The following DLG2 variants were observed in gnomAD, a reference collection of about 807,000 sequenced individuals.
The protein encoded by DLG2 is discs large MAGUK scaffold protein 2, also known as disks large homolog 2.
In DLG2, 45 loss-of-function variants were observed where a neutral mutation model predicts 132.5. The observed-to-expected ratio is 0.34, with a 90% CI of 0.27 to 0.44. The LOEUF (loss-of-function observed/expected upper bound fraction) is 0.44. DLG2 is among the 20% of genes least tolerant of loss of function. DLG2 has a pLI of 1.00. For missense variants in DLG2, 1,045 were observed against 1,196.9 expected (o/e 0.87, Z 1.87); for synonymous variants, 424 against 419.6 (o/e 1.01, Z -0.13).
chr11:84,843,880 T>C (rs1347812551), intron 6 of DLG2, among the ~76,000 whole-genome samples: 1 of 151,466 alleles, frequency 6.6e-6, no homozygotes, highest in Non-Finnish European at 1.5e-5. Context: ...GTGTATATAC[T>C]TATTTCTTTA....
At chr11:84,626,047 T>A (rs1031680355) in intron 6 of DLG2, among the ~76,000 whole-genome samples, 5 of 152,232 alleles carry the variant, frequency 3.3e-5, no homozygotes, top group Non-Finnish European at 7.3e-5. Flanking sequence ...TAACTGCTAT[T>A]GCTTATTGAG....
chr11:84,670,254 C>T (rs1595384891), intron 6 of DLG2, among the ~76,000 whole-genome samples: 2 of 152,122 alleles, frequency 1.3e-5, no homozygotes, highest in African/African-American at 4.8e-5. Context: ...TCCATATTCT[C>T]AGAGAGGTTT....
intron 6 of DLG2, among the ~76,000 whole-genome samples, chr11:84,786,333 T>C (rs766590907): frequency 1.3e-5 from 2 of 152,142 alleles, no homozygotes; most frequent in Non-Finnish European, 2.9e-5. Context: ...CCTGACCATA[T>C]GGAAAATAAT....
intron 6 of DLG2, among the ~76,000 whole-genome samples, chr11:84,577,390 C>T (rs2099503620): frequency 6.6e-6 from 1 of 152,102 alleles, no homozygotes; most frequent in Non-Finnish European, 1.5e-5. Context: ...TTTGGAACTT[C>T]CTGGAGACTT....
At chr11:83,670,670 C>G (rs1159902103) in intron 18 of DLG2, among the ~76,000 whole-genome samples, 1 of 151,932 alleles carries the variant, frequency 6.6e-6, no homozygotes, top group Non-Finnish European at 1.5e-5. Flanking sequence ...AACAGGTTCT[C>G]TTGGGAACAT....
chr11:84,385,669 C>T (rs1281006757), intron 7 of DLG2, among the ~76,000 whole-genome samples: 1 of 152,068 alleles, frequency 6.6e-6, no homozygotes, highest in East Asian at 1.9e-4. Flanking sequence ...GTGCCTAGCT[C>T]ATAATAGACA....
At chr11:85,004,993 C>A (rs1424427472) in intron 6 of DLG2, among the ~76,000 whole-genome samples, 1 of 152,142 alleles carries the variant, frequency 6.6e-6, no homozygotes. Flanking sequence ...ATCCTTTCCC[C>A]ATTGCTTGTT....
intron 18 of DLG2, among the ~76,000 whole-genome samples, chr11:83,759,671 C>T (rs1468786701): frequency 6.6e-6 from 1 of 152,136 alleles, no homozygotes; most frequent in Non-Finnish European, 1.5e-5. Context: ...CCTGTTGACA[C>T]AAAATCACAG....
intron 21 of DLG2, among the ~76,000 whole-genome samples, chr11:83,486,901 T>G (rs917452947): frequency 6.6e-6 from 1 of 152,130 alleles, no homozygotes; most frequent in African/African-American, 2.4e-5. Flanking sequence ...CTATATGTGG[T>G]TTATAATGCT....
At chr11:83,557,626 T>G (rs79379951) in intron 19 of DLG2, among the ~76,000 whole-genome samples, 4,209 of 152,276 alleles carry the variant, frequency 0.028, 189 homozygotes, top group African/African-American at 0.096. Context: ...CAAACAGGCT[T>G]ATGTTGCTTG....
intron 24 of DLG2, 46 bp from the exon 25 acceptor site, chr11:83,469,419 T>C (rs781001934): frequency 1.3e-6 from 2 of 1,495,994 alleles, no homozygotes; most frequent in South Asian, 1.2e-5. Flanking sequence ...TTTATACCCA[T>C]AAACTTGCTT....
At chr11:85,096,576 G>T (rs1238424575) in intron 6 of DLG2, among the ~76,000 whole-genome samples, 2 of 151,924 alleles carry the variant, frequency 1.3e-5, no homozygotes, top group Non-Finnish European at 2.9e-5. Flanking sequence ...CACCGCAAAG[G>T]TCTGTGGCTT....
chr11:83,764,337 T>C (rs368632956), intron 18 of DLG2, among the ~76,000 whole-genome samples: 36 of 152,202 alleles, frequency 2.4e-4, no homozygotes, highest in Admixed American at 1.9e-3. Flanking sequence ...TGATGTATCA[T>C]AGACATTCAA....
chr11:83,961,188 T>C (rs780127914), intron 14 of DLG2, among the ~76,000 whole-genome samples: 19 of 152,022 alleles, frequency 1.2e-4, no homozygotes, highest in Non-Finnish European at 2.5e-4. Context: ...CCTATTGAGA[T>C]AGACTCACTT....
At chr11:85,377,784 C>CATATATATATATATAT (rs35941912) in intron 3 of DLG2, among the ~76,000 whole-genome samples, 4 of 130,280 alleles carry the variant, frequency 3.1e-5, no homozygotes, top group Middle Eastern at 4.0e-3. Flanking sequence ...TGTGTGTATA[C>CATATATATATATATAT]ATATATATAT....
At chr11:84,445,910 C>T (rs1054988428) in intron 7 of DLG2, among the ~76,000 whole-genome samples, 2 of 113,928 alleles carry the variant, frequency 1.8e-5, no homozygotes, top group Non-Finnish European at 3.4e-5. Flanking sequence ...AGTGAGACTT[C>T]GCCTCAAAAA....
intron 8 of DLG2, among the ~76,000 whole-genome samples, chr11:84,235,891 T>C (rs2097151676): frequency 6.6e-6 from 1 of 152,188 alleles, no homozygotes; most frequent in South Asian, 2.1e-4. Context: ...ATATACTTTG[T>C]ATGGTTACTG....
chr11:83,577,742 AT>A (rs1445475104), intron 19 of DLG2, among the ~76,000 whole-genome samples: 1 of 127,460 alleles, frequency 7.8e-6, no homozygotes, highest in Non-Finnish European at 1.6e-5. Flanking sequence ...TAAATAGGAT[AT>A]TATAAATATA....
intron 18 of DLG2, among the ~76,000 whole-genome samples, chr11:83,720,090 C>T (rs2087959715): frequency 2.6e-5 from 4 of 151,696 alleles, no homozygotes; most frequent in Middle Eastern, 3.4e-3. Flanking sequence ...GTCAGGAGCT[C>T]GAGACCAGCC....
Sources: gnomAD v4.1 joint callset for allele counts (sites outside exome capture counted in the v4.1 genomes callset) on GRCh38, gnomAD v4.1.1 for gene constraint, MANE v1.5 for transcripts, NCBI Gene and HGNC (gene_info 2026-07-23, HGNC 2026-07-21) for gene names.